The following PRKCB variants were observed in gnomAD, a reference collection of about 807,000 sequenced individuals.
PRKCB encodes the protein protein kinase C beta type.
Under a neutral mutation model 81.5 loss-of-function variants are expected in PRKCB, and 13 were observed. That is an observed-to-expected ratio of 0.16 (90% CI 0.10 to 0.25). The LOEUF (loss-of-function observed/expected upper bound fraction) is 0.25. PRKCB is among the 10% of genes least tolerant of loss of function. The probability of loss-of-function intolerance (pLI) is 1.00; values close to 1 mark genes in which losing one functional copy is unlikely to be tolerated. For synonymous variants in PRKCB, 335 were observed against 321.4 expected (o/e 1.04, Z -0.45); for missense variants, 509 against 875.7 (o/e 0.58, Z 5.29).
intron 2 of PRKCB, among the ~76,000 whole-genome samples, chr16:23,895,732 T>G (rs1963368362): frequency 1.3e-5 from 2 of 152,180 alleles, no homozygotes; most frequent in Non-Finnish European, 2.9e-5. Context: ...ATAATGCCAG[T>G]GTTGCTTATT....
chr16:24,215,997 AAAAAG>A lies in PRKCB; in HGVS notation c.*1189_*1193del, dbSNP rs1162951452. Reference sequence around the variant, plus strand: ...GCATCGAGATACAATAAAAAAAAAAAAAAAGAAAAGAAGAAGAAATACTATTTCAA... The same window carrying A: ...GCATCGAGATACAATAAAAAAAAAAAAAAAGAAGAAGAAATACTATTTCAA... On this transcript the variant is annotated 3_prime_UTR_variant, in exon 17 of 17. Transcript: ENST00000643927. 31 of 984,640 alleles carry A rather than the reference AAAAAG, an allele frequency of 3.1e-5. 1 individual carries two copies. In the Admixed American group the frequency reaches 1.2e-3, roughly 39 times the overall value. The allele number at this position is 984,640 out of a possible 1,614,324, so 61.0% of individuals were successfully genotyped here.
At chr16:24,013,781 C>CAAAAA (rs35383807) in intron 3 of PRKCB, among the ~76,000 whole-genome samples, 31 of 138,036 alleles carry the variant, frequency 2.2e-4, no homozygotes, top group Admixed American at 3.6e-4. Flanking sequence ...TGTGGAATTG[C>CAAAAA]AAAAAAAAAA....
chr16:24,158,861 A>G (rs1967210289), intron 10 of PRKCB, among the ~76,000 whole-genome samples: 1 of 152,002 alleles, frequency 6.6e-6, no homozygotes, highest in Non-Finnish European at 1.5e-5. Context: ...GGGTCTTGCT[A>G]TGTTACCTAG....
At chr16:24,155,375 G>A (rs984558096) in intron 10 of PRKCB, among the ~76,000 whole-genome samples, 1 of 152,218 alleles carries the variant, frequency 6.6e-6, no homozygotes, top group Admixed American at 6.5e-5. Flanking sequence ...AAGGTGAGAA[G>A]GGAGCACTTG....
At chr16:23,933,919 CCTTCCATT>C (rs1459350192) in intron 2 of PRKCB, among the ~76,000 whole-genome samples, 15 of 127,906 alleles carry the variant, frequency 1.2e-4, no homozygotes, top group South Asian at 5.3e-4. Flanking sequence ...ATCCATCCAT[CCTTCCATT>C]CATCCATCCA....
chr16:23,931,685 G>A (rs373949421), intron 2 of PRKCB, among the ~76,000 whole-genome samples: 11 of 152,128 alleles, frequency 7.2e-5, no homozygotes, highest in Admixed American at 2.0e-4. Flanking sequence ...TCAGGTGGTC[G>A]TTCTGGGAGG....
intron 5 of PRKCB, among the ~76,000 whole-genome samples, chr16:24,052,074 CA>C (rs71154271): frequency 0.031 from 2,857 of 91,084 alleles, 44 homozygotes; most frequent in African/African-American, 0.061. Context: ...GACTCCGTCT[CA>C]AAAAAAAAAA....
rs1965359681 is a variant in PRKCB at position 24,021,008 on chromosome 16, C to CTTTCTTTCTTTCTT, written c.289-11126_289-11113dup. On this transcript the variant is annotated intron_variant, in intron 3 of 16. Coordinates refer to ENST00000643927, the MANE Select transcript of PRKCB (RefSeq NM_002738.7). ...TCTTTCTTTCTTTCTTTCTTTCTTT[C>CTTTCTTTCTTTCTT]TTTCTTTCTTTCTTTCTTTCTTTCT... is the stretch of plus-strand genomic sequence containing the variant. Among the ~76,000 whole-genome samples the CTTTCTTTCTTTCTT allele has an allele frequency of 1.6e-4, 23 of 141,374 alleles. 1 individual carries two copies. In the South Asian group the frequency reaches 5.4e-3, roughly 33 times the overall value. 92.7% of individuals were successfully genotyped at this position (141,374 alleles called of 152,430 possible). A position where few individuals can be genotyped will look rare whatever the true frequency, so the allele number is the denominator to read the frequency against.
chr16:24,174,437 T>C (rs1967495236), intron 11 of PRKCB, 81 bp from the exon 12 acceptor site: 2 of 1,254,178 alleles, frequency 1.6e-6, no homozygotes, highest in Admixed American at 2.0e-5. Flanking sequence ...CCTAGTTCAA[T>C]ATTGTATTGA....
chr16:23,918,262 G>A (rs67922443), intron 2 of PRKCB, among the ~76,000 whole-genome samples: 24,267 of 152,044 alleles, frequency 0.16, 2,400 homozygotes, highest in East Asian at 0.36. Context: ...GGAAATAATG[G>A]TCTGTCCTTC....
At chr16:24,038,001 C>T (rs1252298552) in intron 5 of PRKCB, among the ~76,000 whole-genome samples, 1 of 151,676 alleles carries the variant, frequency 6.6e-6, no homozygotes, top group Non-Finnish European at 1.5e-5. Flanking sequence ...GGCAACATGT[C>T]GAAACATCAT....
At chr16:24,013,519 AAATTAGTTCAT>A (rs1332324505) in intron 3 of PRKCB, among the ~76,000 whole-genome samples, 3 of 152,230 alleles carry the variant, frequency 2.0e-5, no homozygotes, top group African/African-American at 7.2e-5. Context: ...GTTGAGGATC[AAATTAGTTCAT>A]AATATGTAAG....
intron 7 of PRKCB, among the ~76,000 whole-genome samples, chr16:24,095,235 C>A (rs755325148): frequency 4.6e-5 from 7 of 151,980 alleles, no homozygotes; most frequent in Non-Finnish European, 1.0e-4. Flanking sequence ...ATAGAGCCAG[C>A]TAAATGGGAG....
At chr16:24,103,354 A>G (rs1474316715) in intron 7 of PRKCB, among the ~76,000 whole-genome samples, 1 of 152,114 alleles carries the variant, frequency 6.6e-6, no homozygotes, top group Non-Finnish European at 1.5e-5. Context: ...AATTTTTAAT[A>G]TTAATGTTAA....
chr16:23,911,899 T>G (rs1963662598), intron 2 of PRKCB, among the ~76,000 whole-genome samples: 1 of 144,114 alleles, frequency 6.9e-6, no homozygotes, highest in African/African-American at 2.6e-5. Context: ...TGGCAGGATC[T>G]CGGCTCACTG....
chr16:23,985,704 T>A (rs1243822809), intron 2 of PRKCB, among the ~76,000 whole-genome samples: 3 of 152,218 alleles, frequency 2.0e-5, no homozygotes, highest in Non-Finnish European at 4.4e-5. Context: ...TTGGTATTTT[T>A]AAAATCTTGA....
At chr16:23,913,547 G>A (rs1034796901) in intron 2 of PRKCB, among the ~76,000 whole-genome samples, 1 of 152,184 alleles carries the variant, frequency 6.6e-6, no homozygotes, top group African/African-American at 2.4e-5. Context: ...GGAAAGCCAA[G>A]CTAGTCATTT....
chr16:24,088,097 GA>G (rs1008330949), intron 5 of PRKCB, among the ~76,000 whole-genome samples: 26 of 152,326 alleles, frequency 1.7e-4, no homozygotes, highest in African/African-American at 5.3e-4. Context: ...GTGGTCTAGA[GA>G]GATTTGCTTC....
intron 5 of PRKCB, among the ~76,000 whole-genome samples, chr16:24,086,103 A>G (rs1966307771): frequency 1.3e-5 from 2 of 152,176 alleles, no homozygotes; most frequent in Non-Finnish European, 2.9e-5. Flanking sequence ...GAGGCTGGGA[A>G]GGGGATTCTG....
Sources: gnomAD v4.1 joint callset for allele counts (sites outside exome capture counted in the v4.1 genomes callset) on GRCh38, gnomAD v4.1.1 for gene constraint, MANE v1.5 for transcripts, NCBI Gene and HGNC (gene_info 2026-07-23, HGNC 2026-07-21) for gene names.